The following PTPRD variants were observed in gnomAD, a reference collection of about 807,000 sequenced individuals.
PTPRD encodes the protein receptor-type tyrosine-protein phosphatase delta.
PTPRD carries 34 observed loss-of-function variants against 214.5 expected under a neutral mutation model. That is an observed-to-expected ratio of 0.16 (90% CI 0.12 to 0.21). The LOEUF (loss-of-function observed/expected upper bound fraction) is 0.21. PTPRD is among the 10% of genes least tolerant of loss of function. The pLI is 1.00. For missense variants in PTPRD, 2,545 were observed against 2,398.7 expected (o/e 1.06, Z -1.27); for synonymous variants, 1,128 against 845.7 (o/e 1.33, Z -5.79).
At chr9:8,919,193 G>C (rs993448630) in intron 11 of PTPRD, among the ~76,000 whole-genome samples, 4 of 152,050 alleles carry the variant, frequency 2.6e-5, no homozygotes, top group Non-Finnish European at 4.4e-5. Context: ...AGGAGTTCAA[G>C]ACCAGCCTGG....
chr9:8,472,745 T>C (rs1343361328), intron 30 of PTPRD, among the ~76,000 whole-genome samples: 1 of 152,240 alleles, frequency 6.6e-6, no homozygotes, highest in Admixed American at 6.5e-5. Context: ...ACCTGCTTTT[T>C]ATTTTTTCAC....
chr9:9,954,420 A>G (rs1442600376), intron 4 of PTPRD, among the ~76,000 whole-genome samples: 1 of 151,732 alleles, frequency 6.6e-6, no homozygotes, highest in Non-Finnish European at 1.5e-5. Flanking sequence ...TACTTATTCT[A>G]AAAAGCACTA....
intron 5 of PTPRD, among the ~76,000 whole-genome samples, chr9:9,882,285 G>A (rs150546730): frequency 3.3e-5 from 5 of 152,082 alleles, no homozygotes; most frequent in African/African-American, 1.2e-4. Flanking sequence ...TTTTCTAGAG[G>A]TTCACTAAGC....
intron 7 of PTPRD, among the ~76,000 whole-genome samples, chr9:9,642,787 A>G (rs1424208393): frequency 6.6e-6 from 1 of 152,156 alleles, no homozygotes; most frequent in African/African-American, 2.4e-5. Context: ...CTTAGACACA[A>G]TCTTGCAAAA....
chr9:10,308,273 C>CATATATTCAT (rs1320104828), intron 3 of PTPRD, among the ~76,000 whole-genome samples: 1 of 151,958 alleles, frequency 6.6e-6, no homozygotes, highest in African/African-American at 2.4e-5. Flanking sequence ...CTTCATTATT[C>CATATATTCAT]TGCATATGGA....
intron 11 of PTPRD, among the ~76,000 whole-genome samples, chr9:9,006,379 A>G (rs1400728194): frequency 6.6e-6 from 1 of 152,066 alleles, no homozygotes; most frequent in African/African-American, 2.4e-5. Context: ...ATACTTTTAA[A>G]AAGAAAGTCT....
At chr9:9,766,560 G>A (rs1597217023) in intron 6 of PTPRD, among the ~76,000 whole-genome samples, 1 of 152,078 alleles carries the variant, frequency 6.6e-6, no homozygotes, top group East Asian at 1.9e-4. Flanking sequence ...TAACTTGCAA[G>A]AGCATTAGTG....
intron 8 of PTPRD, among the ~76,000 whole-genome samples, chr9:9,467,993 C>A (rs2094333327): frequency 1.3e-5 from 2 of 152,102 alleles, no homozygotes. Flanking sequence ...TATTAAACAT[C>A]ACTATCCTTG....
intron 3 of PTPRD, among the ~76,000 whole-genome samples, chr9:10,337,605 A>T (rs2096866306): frequency 6.6e-6 from 1 of 151,768 alleles, no homozygotes; most frequent in Non-Finnish European, 1.5e-5. Flanking sequence ...ATTTAAAAAA[A>T]CCAACAGTTT....
chr9:9,370,741 G>T lies in PTPRD; in HGVS notation c.-203+26708C>A, dbSNP rs915216448. 4.3e-3 allele frequency among the ~76,000 whole-genome samples: 626 copies of T among 146,992 alleles called. 6 individuals carry two copies. The highest frequency in any genetic ancestry group is 7.7e-3 in the Admixed American group (114 of 14,856). ...TTTGTCCATTCAGTATGATATTGGC[G>T]GTGGGTTTGTCATAGATAGCTCTTA... On this transcript the variant is annotated intron_variant, in intron 9 of 45. Coordinates refer to ENST00000381196, the MANE Select transcript of PTPRD (RefSeq NM_002839.4).
rs141617543 is a variant in PTPRD, at chr9:8,352,203, C to T, written c.4662-10225G>A. Among the ~76,000 whole-genome samples the T allele has an allele frequency of 9.7e-4, 147 of 151,736 alleles. 1 individual carries two copies. The highest frequency in any genetic ancestry group is 3.4e-3 in the African/African-American group (140 of 41,348). ...TCCCTATTATTCTTAAAATGTGATT[C>T]TCATGATAAATTAGAAGGCTAATGT... On this transcript the variant is annotated intron_variant, in intron 39 of 45. Coordinates refer to ENST00000381196, the MANE Select transcript of PTPRD (RefSeq NM_002839.4).
intron 39 of PTPRD, among the ~76,000 whole-genome samples, chr9:8,364,505 G>C (rs923928861): frequency 6.6e-6 from 1 of 152,106 alleles, no homozygotes; most frequent in Non-Finnish European, 1.5e-5. Context: ...CAAGCATATC[G>C]ACACTAAAAA....
chr9:8,769,517 C>T (rs2095035606), intron 11 of PTPRD, among the ~76,000 whole-genome samples: 2 of 152,124 alleles, frequency 1.3e-5, no homozygotes, highest in Non-Finnish European at 2.9e-5. Context: ...GTGTGGTTCT[C>T]CCTTCTTCTT....
intron 9 of PTPRD, among the ~76,000 whole-genome samples, chr9:9,337,223 C>A (rs548192507): frequency 6.6e-6 from 1 of 152,192 alleles, no homozygotes; most frequent in African/African-American, 2.4e-5. Flanking sequence ...CAAAATGCAA[C>A]ATTATGTCCA....
chr9:9,700,143 C>T (rs2097464974), intron 7 of PTPRD, among the ~76,000 whole-genome samples: 2 of 152,054 alleles, frequency 1.3e-5, no homozygotes, highest in South Asian at 2.1e-4. Flanking sequence ...TTTCTGATTG[C>T]TATTGCTTGA....
Position 8,372,828 on chromosome 9 carries a change from A to C in PTPRD, c.4661+3108T>G, listed in dbSNP as rs192275618. On this transcript the variant is annotated intron_variant, in intron 39 of 45. Coordinates refer to ENST00000381196, the MANE Select transcript of PTPRD (RefSeq NM_002839.4). ...AATTACAGCACAGAATCATTGGAGG[A>C]CCATAATTTCCTTTTTCTGTACTGC... Among the ~76,000 whole-genome samples the C allele has an allele frequency of 2.0e-3, 305 of 151,958 alleles. 3 individuals carry two copies. The highest frequency in any genetic ancestry group is 0.017 in the Admixed American group (265 of 15,220).
chr9:9,587,525 C>A (rs1350458142), intron 7 of PTPRD, among the ~76,000 whole-genome samples: 1 of 150,870 alleles, frequency 6.6e-6, no homozygotes, highest in Admixed American at 6.6e-5. Flanking sequence ...GTAACTGATT[C>A]CCAATGGCAG....
intron 3 of PTPRD, among the ~76,000 whole-genome samples, chr9:10,151,662 A>G (rs1592512889): frequency 6.6e-6 from 1 of 152,116 alleles, no homozygotes; most frequent in Non-Finnish European, 1.5e-5. Flanking sequence ...TGGTAAATGC[A>G]TGTAGCTGAA....
chr9:10,377,213 T>C (rs945628530), intron 2 of PTPRD, among the ~76,000 whole-genome samples: 9 of 152,028 alleles, frequency 5.9e-5, no homozygotes, highest in Non-Finnish European at 8.8e-5. Flanking sequence ...ATTCCATCCA[T>C]GTTGTTGCAA....
Sources: gnomAD v4.1 joint callset for allele counts (sites outside exome capture counted in the v4.1 genomes callset) on GRCh38, gnomAD v4.1.1 for gene constraint, MANE v1.5 for transcripts, NCBI Gene and HGNC (gene_info 2026-07-23, HGNC 2026-07-21) for gene names.